The following EPHB3 variants were observed in gnomAD, a reference collection of about 807,000 sequenced individuals.
EPHB3 encodes the protein ephrin type-B receptor 3.
EPHB3 carries 33 observed loss-of-function variants against 100.2 expected under a neutral mutation model. That is an observed-to-expected ratio of 0.33 (90% CI 0.25 to 0.44). The LOEUF is 0.44. Among genes scored for constraint, EPHB3 ranks in the 20% least tolerant of loss-of-function variants. The pLI is 1.00. For missense variants in EPHB3, 1,045 were observed against 1,378.3 expected (o/e 0.76, Z 3.83); for synonymous variants, 526 against 554.7 (o/e 0.95, Z 0.73).
Position 184,562,563 on chromosome 3 carries a change from T to TG in EPHB3, c.118+216dup, listed in dbSNP as rs1452095148. ...GCTCGGAGGCAGGCAGCCCGCGGGT[T>TG]GGGGGGTCGCGGGGAGCTAGACTCG... On this transcript the variant is annotated intron_variant, in intron 1 of 15. Transcript: ENST00000330394. The surrounding 1 kb of genome is among the most constrained non-coding windows in gnomAD (Gnocchi z 4.8). Among the ~76,000 whole-genome samples, 4 of 151,888 alleles carry TG rather than the reference T, an allele frequency of 2.6e-5. No individual in the cohort carries two copies. The highest frequency in any genetic ancestry group is 5.9e-5 in the Non-Finnish European group (4 of 67,920).
Position 184,572,981 on chromosome 3 carries a change from C to G in EPHB3, c.661C>G (p.Leu221Val), listed in dbSNP as rs1053717016. The G allele has an allele frequency of 3.1e-6, 5 of 1,606,188 alleles. No individual in the cohort carries two copies. Among genetic ancestry groups the G allele is most frequent in the Middle Eastern group, 1.7e-4 (1 of 6,022 alleles). The change falls in exon 3 of 16, where the codon CTC becomes GTC. Residue 221 changes from leucine to valine, a missense_variant. Coordinates refer to ENST00000330394, the MANE Select transcript of EPHB3 (RefSeq NM_004443.4). This position sits in a 1 kb window ranked among gnomAD's most constrained non-coding sequence, Gnocchi z 6.6. ...KCASTTAGFA[L>V]FPETLTGAEP... ...TGCATCCACCACCGCAGGCTTCGCA[C>G]TCTTCCCCGAGACCCTCACTGGGGC...
chr3:184,575,618 G>A (rs540349593), intron 3 of EPHB3, among the ~76,000 whole-genome samples: 73 of 152,278 alleles, frequency 4.8e-4, no homozygotes, highest in Admixed American at 2.2e-3. Flanking sequence ...GGGCAGGGGC[G>A]GGGAGGAATC....
chr3:184,568,683 G>C (rs946295576), intron 1 of EPHB3, among the ~76,000 whole-genome samples: 2 of 151,742 alleles, frequency 1.3e-5, no homozygotes, highest in African/African-American at 4.8e-5. Flanking sequence ...TCTGTGCCTG[G>C]GCAGGCTGAA....
At position 184,581,790 on chromosome 3, in the gene EPHB3, G is replaced by A; in HGVS notation, c.*168G>A. ...CTCCAGGCCTGTGTTCCCTCCCCAG[G>A]AAGTGCGCCCCAAACCTCTTCATAT... On this transcript the variant is annotated 3_prime_UTR_variant, in exon 16 of 16. Coordinates refer to ENST00000330394, the MANE Select transcript of EPHB3 (RefSeq NM_004443.4). 1 of 656,444 alleles carries A rather than the reference G, an allele frequency of 1.5e-6. No homozygotes were observed. The highest frequency in any genetic ancestry group is 2.5e-6 in the Non-Finnish European group (1 of 394,070). 40.7% of individuals were successfully genotyped at this position (656,444 alleles called of 1,614,324 possible). A position where few individuals can be genotyped will look rare whatever the true frequency, so the allele number is the denominator to read the frequency against.
Position 184,561,833 on chromosome 3 carries a change from C to T in EPHB3, c.-403C>T, listed in dbSNP as rs1026036831. 2.0e-5 allele frequency: 3 copies of T among 152,596 alleles called. No individual in the cohort carries two copies. The highest frequency in any genetic ancestry group is 4.4e-5 in the Non-Finnish European group (3 of 68,394). 9.5% of individuals were successfully genotyped at this position (152,596 alleles called of 1,614,324 possible). A position where few individuals can be genotyped will look rare whatever the true frequency, so the allele number is the denominator to read the frequency against. ...CGCAGCAAGATCCCAGCTCGGACCCCGGACGGCGCGCGCCCCCGAAGCCCC... is the reference window on the plus strand; with the variant it reads ...CGCAGCAAGATCCCAGCTCGGACCCTGGACGGCGCGCGCCCCCGAAGCCCC... On this transcript the variant is annotated 5_prime_UTR_variant, in exon 1 of 16. Coordinates refer to ENST00000330394, the MANE Select transcript of EPHB3 (RefSeq NM_004443.4).
chr3:184,574,632 C>T (rs1002264600), intron 3 of EPHB3, among the ~76,000 whole-genome samples: 3 of 152,156 alleles, frequency 2.0e-5, no homozygotes, highest in Non-Finnish European at 4.4e-5. Flanking sequence ...AAGCTGGCTG[C>T]GAGGCCATGT....
At chr3:184,570,956 CT>C (rs35707076) in intron 1 of EPHB3, among the ~76,000 whole-genome samples, 324 of 137,368 alleles carry the variant, frequency 2.4e-3, no homozygotes, top group Middle Eastern at 3.8e-3. Flanking sequence ...TTCTTTCTTT[CT>C]TTTTTTTTTT....
chr3:184,580,072 C>A (rs367801981), intron 11 of EPHB3, 138 bp downstream of exon 11: 1 of 1,319,522 alleles, frequency 7.6e-7, no homozygotes, highest in Non-Finnish European at 1.0e-6. Context: ...AATGGCAGGG[C>A]CTTCATAGCC....
At position 184,578,280 on chromosome 3, in the gene EPHB3, A is replaced by C; in HGVS notation, c.1749-134A>C. ...GCTCAGACACCCAGAGACTGCTGTG[A>C]CCACCAATTGTGGGACTAGGCCCCA... On this transcript the variant is annotated intron_variant, in intron 8 of 15. Coordinates refer to ENST00000330394, the MANE Select transcript of EPHB3 (RefSeq NM_004443.4). The surrounding 1 kb of genome is among the most constrained non-coding windows in gnomAD (Gnocchi z 4.7). 3 of 1,319,400 alleles carry C rather than the reference A, an allele frequency of 2.3e-6. No homozygotes were observed. The highest frequency in any genetic ancestry group is 2.1e-6 in the Non-Finnish European group (2 of 941,670). 81.7% of individuals were successfully genotyped at this position (1,319,400 alleles called of 1,614,324 possible). A position where few individuals can be genotyped will look rare whatever the true frequency, so the allele number is the denominator to read the frequency against.
Position 184,572,672 on chromosome 3 carries a change from A to G in EPHB3, c.352A>G (p.Ser118Gly). The G allele has an allele frequency of 1.3e-6, 2 of 1,595,806 alleles. No homozygotes were observed. The highest frequency in any genetic ancestry group is 1.7e-6 in the Non-Finnish European group (2 of 1,172,244). Residue 118 changes from serine (S) to glycine (G), a missense_variant, in exon 3 of 16, where the codon AGC (serine) becomes GGC (glycine). Physicochemically the swap from Ser to Gly is moderately conservative, Grantham distance 56 (BLOSUM62 0). Transcript: ENST00000330394. The surrounding 1 kb of genome is among the most constrained non-coding windows in gnomAD (Gnocchi z 6.6). Reference protein sequence around the residue: ...ELKFTVRDCNSIPNIPGSCKE... With the variant: ...ELKFTVRDCNGIPNIPGSCKE... ...CAAGTTCACTGTGCGTGACTGCAAC[A>G]GCATCCCCAACATCCCCGGCTCCTG... is the stretch of plus-strand genomic sequence containing the variant.
rs954767691 is a variant in EPHB3 at position 184,569,636 on chromosome 3, C to A, written c.119-1682C>A. On this transcript the variant is annotated intron_variant, in intron 1 of 15. Transcript: ENST00000330394. This position sits in a 1 kb window ranked among gnomAD's most constrained non-coding sequence, Gnocchi z 5.4. Reference sequence around the variant, plus strand: ...CTCAGGGGACCAGGGGCTGCGGCAGCGGGAGGAGCCTCCCTCCCTGCAGTG... The same window carrying A: ...CTCAGGGGACCAGGGGCTGCGGCAGAGGGAGGAGCCTCCCTCCCTGCAGTG... Among the ~76,000 whole-genome samples the A allele has an allele frequency of 3.3e-5, 5 of 152,244 alleles. No homozygotes were observed. Among genetic ancestry groups the A allele is most frequent in the African/African-American group, 1.2e-4 (5 of 41,462 alleles).
At chr3:184,576,693 G>A (rs1714684878) in intron 4 of EPHB3, 149 bp from the exon 5 acceptor site, 1 of 729,822 alleles carries the variant, frequency 1.4e-6, no homozygotes, top group African/African-American at 1.8e-5. Flanking sequence ...GAGTCTGCCT[G>A]GTGAAGAAAT....
At position 184,565,627 on chromosome 3, in the gene EPHB3, G is replaced by A. The variant is rs1485075569; in HGVS notation, c.118+3274G>A. Among the ~76,000 whole-genome samples, 2 of 152,196 alleles carry A rather than the reference G, an allele frequency of 1.3e-5. No homozygotes were observed. The highest frequency in any genetic ancestry group is 4.8e-5 in the African/African-American group (2 of 41,448). On this transcript the variant is annotated intron_variant, in intron 1 of 15. Transcript: ENST00000330394. This position sits in a 1 kb window ranked among gnomAD's most constrained non-coding sequence, Gnocchi z 4.8. ...CACCTCCTTCACAGGGGCAGCAGGA[G>A]TGACCCCTGAGAACACGGGAACTGA...
Position 184,572,955 on chromosome 3 carries a change from G to A in EPHB3, c.635G>A (p.Cys212Tyr). ...TCCGTGCGCGCCTTCTACAAGAAGT[G>A]TGCATCCACCACCGCAGGCTTCGCA... ...LISVRAFYKKCASTTAGFALF... is the reference protein window; with the variant it reads ...LISVRAFYKKYASTTAGFALF... Residue 212 changes from cysteine to tyrosine, a missense_variant, in exon 3 of 16, where the codon TGT (cysteine) becomes TAT (tyrosine). Coordinates refer to ENST00000330394, the MANE Select transcript of EPHB3 (RefSeq NM_004443.4). The surrounding 1 kb of genome is among the most constrained non-coding windows in gnomAD (Gnocchi z 6.6). 1 of 1,587,050 alleles carries A rather than the reference G, an allele frequency of 6.3e-7. No homozygotes were observed. The highest frequency in any genetic ancestry group is 8.6e-7 in the Non-Finnish European group (1 of 1,165,180).
intron 3 of EPHB3, among the ~76,000 whole-genome samples, chr3:184,574,907 C>T (rs1036637058): frequency 6.6e-6 from 1 of 152,222 alleles, no homozygotes; most frequent in Non-Finnish European, 1.5e-5. Context: ...AGATGAAACC[C>T]CAGAAAAGGG....
chr3:184,577,503 T>G lies in EPHB3; in HGVS notation c.1479+36T>G, dbSNP rs1445416029. On this transcript the variant is annotated intron_variant, in intron 6 of 15. Coordinates refer to ENST00000330394, the MANE Select transcript of EPHB3 (RefSeq NM_004443.4). This position sits in a 1 kb window ranked among gnomAD's most constrained non-coding sequence, Gnocchi z 4.9. The stretch of plus-strand genomic sequence containing the variant: ...CAAGGGGCAGGAGGAGGCCTTGGGC[T>G]GAGCTGGGCTGAGAAAATTACCCCC... 2 of 1,610,988 alleles carry G rather than the reference T, an allele frequency of 1.2e-6. No homozygotes were observed. The highest frequency in any genetic ancestry group is 1.7e-6 in the Non-Finnish European group (2 of 1,178,348).
rs1315526756 is a variant in EPHB3, at chr3:184,572,837, C to T, written c.517C>T (p.Arg173Cys). 12 of 1,566,586 alleles carry T rather than the reference C, an allele frequency of 7.7e-6. No homozygotes were observed. Among genetic ancestry groups the T allele is most frequent in the Admixed American group, 1.9e-5 (1 of 53,490 alleles). ...DESFSRLDAGRVNTKVRSFGP... is the reference protein window; with the variant it reads ...DESFSRLDAGCVNTKVRSFGP... Reference sequence around the variant, plus strand: ...GAGCTTCTCGCGGCTGGATGCCGGCCGTGTCAACACCAAGGTGCGCAGCTT... The same window carrying T: ...GAGCTTCTCGCGGCTGGATGCCGGCTGTGTCAACACCAAGGTGCGCAGCTT... The change falls in exon 3 of 16, where the codon CGT (arginine) becomes TGT (cysteine). Residue 173 changes from arginine to cysteine, a missense_variant. Arg to Cys is a radical substitution (Grantham distance 180, BLOSUM62 -3). Around this residue, in one of 2 missense-constraint regions of EPHB3, gnomAD observed 985 missense variants for 1,331.1 expected, o/e 0.74. Transcript: ENST00000330394. The surrounding 1 kb of genome is among the most constrained non-coding windows in gnomAD (Gnocchi z 6.6).
At chr3:184,581,460 C>T in intron 15 of EPHB3, 52 bp downstream of exon 15, 1 of 1,592,902 alleles carries the variant, frequency 6.3e-7, no homozygotes, top group Non-Finnish European at 8.6e-7. Flanking sequence ...TAGGCTGGGC[C>T]CAGAGTTGAG....
rs1714558667 is a variant in EPHB3, at chr3:184,572,251, AGT to A, written c.184-252_184-251del. On this transcript the variant is annotated intron_variant, in intron 2 of 15. Coordinates refer to ENST00000330394, the MANE Select transcript of EPHB3 (RefSeq NM_004443.4). The surrounding 1 kb of genome is among the most constrained non-coding windows in gnomAD (Gnocchi z 6.6). The stretch of plus-strand genomic sequence containing the variant: ...TGTCCTAAATGCTTTATTCAGTTAA[AGT>A]CATTATTCCTTACACATCTTTATTA... Among the ~76,000 whole-genome samples, 1 of 152,216 alleles carries A rather than the reference AGT, an allele frequency of 6.6e-6. No individual in the cohort carries two copies. Among genetic ancestry groups the A allele is most frequent in the Non-Finnish European group, 1.5e-5 (1 of 68,040 alleles).
Sources: gnomAD v4.1 joint callset for allele counts (sites outside exome capture counted in the v4.1 genomes callset) on GRCh38, gnomAD v4.1.1 for gene constraint, gnomAD v4.1.1 regional missense constraint, Gnocchi (gnomAD v3.1) non-coding constraint, MANE v1.5 for transcripts, NCBI Gene and HGNC (gene_info 2026-07-23, HGNC 2026-07-21) for gene names.